Variants in VCAN observed in about 807,000 individuals in gnomAD.
VCAN encodes the protein versican core protein.
Under a neutral mutation model 245.5 loss-of-function variants are expected in VCAN, and 44 were observed. That is an observed-to-expected ratio of 0.18 (90% CI 0.14 to 0.23). The LOEUF is 0.23. Ranked by LOEUF, VCAN falls within the 10% of genes least tolerant of loss-of-function variation. The pLI is 1.00. For synonymous variants in VCAN, 1,413 were observed against 1,437.0 expected, an observed-to-expected ratio of 0.98 and a Z score of 0.38; for missense variants, 3,793 against 4,057.9, an observed-to-expected ratio of 0.93 and a Z score of 1.77.
At chr5:83,557,357 T>C (rs187237324) in intron 12 of VCAN, among the ~76,000 whole-genome samples, 73 of 152,286 alleles carry the variant, frequency 4.8e-4, no homozygotes, top group African/African-American at 1.6e-3. Context: ...GAAGTAATTC[T>C]TTCCCCTGCT....
chr5:83,484,984 T>C (rs920080692), intron 2 of VCAN, among the ~76,000 whole-genome samples: 4 of 152,120 alleles, frequency 2.6e-5, no homozygotes, highest in Non-Finnish European at 5.9e-5. Context: ...GTAGGAGACA[T>C]GAACAGAGAG....
At chr5:83,487,907 T>C (rs1460343463) in intron 2 of VCAN, among the ~76,000 whole-genome samples, 1 of 152,166 alleles carries the variant, frequency 6.6e-6, no homozygotes, top group Non-Finnish European at 1.5e-5. Flanking sequence ...GTAAGAAATA[T>C]TGAAGAATTG....
chr5:83,508,448 C>T (rs1006099149), intron 5 of VCAN, among the ~76,000 whole-genome samples: 6 of 152,076 alleles, frequency 3.9e-5, no homozygotes, highest in Non-Finnish European at 7.4e-5. Flanking sequence ...TAACTTATCA[C>T]GTTTGGTATA....
intron 13 of VCAN, among the ~76,000 whole-genome samples, chr5:83,577,787 C>T (rs1228850530): frequency 6.6e-6 from 1 of 152,174 alleles, no homozygotes; most frequent in African/African-American, 2.4e-5. Context: ...GAAAAGACTA[C>T]ACTTTCCCTC....
At chr5:83,505,030 C>T (rs1019783003) in intron 5 of VCAN, among the ~76,000 whole-genome samples, 1 of 152,102 alleles carries the variant, frequency 6.6e-6, no homozygotes, top group Non-Finnish European at 1.5e-5. Flanking sequence ...AGACCAACCC[C>T]CATGATTCCA....
rs200318335 is a variant in VCAN at position 83,520,432 on chromosome 5, A to G, written c.2126A>G (p.Lys709Arg). 6.8e-6 allele frequency: 11 copies of G among 1,613,928 alleles called. No individual in the cohort carries two copies. Among genetic ancestry groups the G allele is most frequent in the Admixed American group, 1.7e-5 (1 of 60,012 alleles). Residue 709 changes from lysine to arginine, a missense_variant, in exon 7 of 15, where the codon AAA becomes AGA. By Grantham distance (26) the Lys-to-Arg change is conservative (BLOSUM62 2). Around this residue, in one of 5 missense-constraint regions of VCAN, gnomAD observed 3,182 missense variants for 3,250.3 expected, o/e 0.98. Transcript: ENST00000265077. ...GATGAAATACAAGAAGAGATCACTAAAAGTCCATTTATGGGAAAAACAGAA... is the reference window on the plus strand; with the variant it reads ...GATGAAATACAAGAAGAGATCACTAGAAGTCCATTTATGGGAAAAACAGAA... ...YTDEIQEEIT[K>R]SPFMGKTEEE...
intron 13 of VCAN, among the ~76,000 whole-genome samples, chr5:83,579,629 G>A (rs757450485): frequency 6.6e-6 from 1 of 152,120 alleles, no homozygotes; most frequent in South Asian, 2.1e-4. Flanking sequence ...CCAAGTGAAG[G>A]TAATTAAGAA....
chr5:83,532,918 A>G (rs931105178), intron 7 of VCAN, among the ~76,000 whole-genome samples: 2 of 152,162 alleles, frequency 1.3e-5, no homozygotes, highest in African/African-American at 2.4e-5. Flanking sequence ...TTAAGACTGT[A>G]GTTAATAAAA....
chr5:83,475,797 G>A (rs1034358192), intron 1 of VCAN, among the ~76,000 whole-genome samples: 4 of 152,202 alleles, frequency 2.6e-5, no homozygotes, highest in African/African-American at 9.7e-5. Flanking sequence ...AGAAGATTAG[G>A]TAGGAAGCGG....
At chr5:83,533,391 C>G (rs1746595498) in intron 7 of VCAN, among the ~76,000 whole-genome samples, 1 of 152,084 alleles carries the variant, frequency 6.6e-6, no homozygotes, top group Non-Finnish European at 1.5e-5. Context: ...CTCTAACTTA[C>G]TGGCAGGAAC....
chr5:83,549,127 G>C (rs1747355775), intron 10 of VCAN, among the ~76,000 whole-genome samples: 1 of 152,146 alleles, frequency 6.6e-6, no homozygotes, highest in Non-Finnish European at 1.5e-5. Flanking sequence ...GAAAACAAAA[G>C]CCTGAGACAG....
chr5:83,526,736 A>G (rs1046027490), intron 7 of VCAN, among the ~76,000 whole-genome samples: 2 of 152,236 alleles, frequency 1.3e-5, no homozygotes, highest in Non-Finnish European at 2.9e-5. Flanking sequence ...TGAATAAAAC[A>G]CATTAAACAA....
At chr5:83,559,035 G>C (rs1358555826) in intron 12 of VCAN, among the ~76,000 whole-genome samples, 1 of 152,000 alleles carries the variant, frequency 6.6e-6, no homozygotes, top group African/African-American at 2.4e-5. Flanking sequence ...TTAACTTGAC[G>C]ATTGTTCTCT....
intron 12 of VCAN, 22 bp from the exon 13 acceptor site, chr5:83,572,394 C>G: frequency 6.2e-7 from 1 of 1,613,622 alleles, no homozygotes; most frequent in Admixed American, 1.7e-5. Context: ...CAAGTAGTTA[C>G]CTTCTCCCTC....
intron 13 of VCAN, among the ~76,000 whole-genome samples, chr5:83,573,111 G>A (rs1748351134): frequency 6.6e-6 from 1 of 151,890 alleles, no homozygotes; most frequent in Non-Finnish European, 1.5e-5. Flanking sequence ...TGTTAGCCAG[G>A]ATGGTCTCAA....
chr5:83,571,311 C>T (rs184939094), intron 12 of VCAN, among the ~76,000 whole-genome samples: 12 of 152,236 alleles, frequency 7.9e-5, no homozygotes, highest in Non-Finnish European at 1.8e-4. Context: ...ATGTTTTTTA[C>T]ATAATTATTG....
intron 7 of VCAN, among the ~76,000 whole-genome samples, chr5:83,523,640 G>A (rs1746185140): frequency 6.6e-6 from 1 of 152,064 alleles, no homozygotes; most frequent in African/African-American, 2.4e-5. Context: ...GCTTTTGCTT[G>A]TCAGTGAATA....
intron 5 of VCAN, among the ~76,000 whole-genome samples, chr5:83,498,119 A>G (rs761740163): frequency 1.3e-5 from 2 of 152,096 alleles, no homozygotes; most frequent in South Asian, 2.1e-4. Flanking sequence ...CTACCCTACT[A>G]TTCCAATTCT....
chr5:83,482,513 C>G (rs771393795), intron 1 of VCAN, among the ~76,000 whole-genome samples: 2 of 152,152 alleles, frequency 1.3e-5, no homozygotes, highest in Non-Finnish European at 2.9e-5. Flanking sequence ...AGAATGGAAC[C>G]AGAGTTGTGT....
Sources: allele counts gnomAD v4.1 joint callset (sites outside exome capture counted in the v4.1 genomes callset), GRCh38; gene constraint gnomAD v4.1.1; regional missense constraint gnomAD v4.1.1; transcripts MANE v1.5; gene names NCBI Gene and HGNC (gene_info 2026-07-23, HGNC 2026-07-21).